CCDC200: variants seen among roughly 807,000 people sequenced by gnomAD.
The protein encoded by CCDC200 is coiled-coil domain-containing protein 200.
intron 1 of CCDC200, 104 bp from the exon 2 acceptor site, chr17:43,224,653 G>A (rs2057555076): frequency 6.6e-6 from 1 of 152,388 alleles, no homozygotes; most frequent in African/African-American, 2.4e-5. Flanking sequence ...AGAAGTATAG[G>A]TGGCAGTGGT....
chr17:43,221,879 C>G (rs1807433), intron 3 of CCDC200, among the ~76,000 whole-genome samples: 47,597 of 151,818 alleles, frequency 0.31, 7,858 homozygotes, highest in South Asian at 0.49. Context: ...GAGGCCAAGA[C>G]GGGTAGATCT....
intron 1 of CCDC200, among the ~76,000 whole-genome samples, chr17:43,226,974 G>T (rs1039769754): frequency 1.3e-5 from 2 of 151,936 alleles, no homozygotes; most frequent in Admixed American, 6.6e-5. Flanking sequence ...TTATATTTTT[G>T]TTGTTGTTGT....
At chr17:43,223,952 G>C (rs950289215) in intron 2 of CCDC200, 11 of 152,212 alleles carry the variant, frequency 7.2e-5, no homozygotes, top group African/African-American at 2.7e-4. Flanking sequence ...AAGTTGGAAG[G>C]CTCCTTTGCA....
chr17:43,227,044 T>C (rs2057574077), intron 1 of CCDC200, among the ~76,000 whole-genome samples: 1 of 152,066 alleles, frequency 6.6e-6, no homozygotes, highest in African/African-American at 2.4e-5. Flanking sequence ...AACGGCGCGA[T>C]CTTGGCTCAC....
chr17:43,222,802 G>A (rs1345740436), intron 3 of CCDC200, among the ~76,000 whole-genome samples: 2 of 138,928 alleles, frequency 1.4e-5, no homozygotes, highest in East Asian at 4.3e-4. Flanking sequence ...ACGAAGTCTC[G>A]CTCTGTCACC....
At position 43,223,541 on chromosome 17, in the gene CCDC200, G is replaced by A. The variant is rs2057548578; in HGVS notation, c.480+15C>T. ...ACCCAGAGTCTGTCTTTCACAGTCT[G>A]TGTCCCTATCTTACCTTGAGTTGTG... On this transcript the variant is annotated intron_variant, in intron 3 of 3. Transcript: ENST00000636331. The A allele has an allele frequency of 6.9e-6, 1 of 145,678 alleles. No homozygotes were observed. The highest frequency in any genetic ancestry group is 1.5e-5 in the Non-Finnish European group (1 of 66,056). The allele number at this position is 145,678 out of a possible 1,614,324, so 9.0% of individuals were successfully genotyped here. A position where few individuals can be genotyped will look rare whatever the true frequency, so the allele number is the denominator to read the frequency against.
Position 43,225,661 on chromosome 17 carries a change from T to TA in CCDC200, c.106-1113dup, listed in dbSNP as rs1295343254. Among the ~76,000 whole-genome samples, 123 of 20,160 alleles carry TA rather than the reference T, an allele frequency of 6.1e-3. 2 individuals carry two copies. Among genetic ancestry groups the TA allele is most frequent in the African/African-American group, 7.8e-3 (122 of 15,566 alleles). 13.2% of individuals were successfully genotyped at this position (20,160 alleles called of 152,430 possible). Reference sequence around the variant, plus strand: ...CTGGGCGACAGAATGAGACTCCGTCTAAAAAAAAAAAAAAAAAAGTATATA... The same window carrying TA: ...CTGGGCGACAGAATGAGACTCCGTCTAAAAAAAAAAAAAAAAAAAGTATATA... On this transcript the variant is annotated intron_variant, in intron 1 of 3. Coordinates refer to ENST00000636331, the MANE Select transcript of CCDC200 (RefSeq NM_001363254.2).
chr17:43,222,115 G>C (rs773447542), intron 3 of CCDC200, among the ~76,000 whole-genome samples: 22 of 151,722 alleles, frequency 1.5e-4, no homozygotes, highest in Non-Finnish European at 2.9e-4. Context: ...TTGCCATCCT[G>C]AGTTTGATAG....
intron 1 of CCDC200, chr17:43,226,168 G>A (rs1003917507): frequency 3.9e-5 from 6 of 152,178 alleles, no homozygotes; most frequent in Non-Finnish European, 7.3e-5. Flanking sequence ...GGGCAACATA[G>A]TGAGACCTGG....
intron 1 of CCDC200, among the ~76,000 whole-genome samples, chr17:43,226,915 TC>T (rs2057573081): frequency 6.6e-6 from 1 of 152,202 alleles, no homozygotes; most frequent in Non-Finnish European, 1.5e-5. Flanking sequence ...ATCCAAATTG[TC>T]CCAAACATGC....
chr17:43,224,847 G>A (rs1473790863), intron 1 of CCDC200: 1 of 152,200 alleles, frequency 6.6e-6, no homozygotes, highest in Non-Finnish European at 1.5e-5. Flanking sequence ...AGGATAAAGA[G>A]TAATTCCCTG....
Position 43,221,523 on chromosome 17 carries a change from C to T in CCDC200, c.*48G>A, listed in dbSNP as rs2057533867. ...TGGATGCTGAGAAGATGTGGTTGCT[C>T]ATCTGCATTTTGGGGATGGCCATGG... On this transcript the variant is annotated 3_prime_UTR_variant, in exon 4 of 4. Coordinates refer to ENST00000636331, the MANE Select transcript of CCDC200 (RefSeq NM_001363254.2). 6.6e-6 allele frequency: 1 copy of T among 152,506 alleles called. No homozygotes were observed. The highest frequency in any genetic ancestry group is 2.4e-5 in the African/African-American group (1 of 41,392). 9.4% of individuals were successfully genotyped at this position (152,506 alleles called of 1,614,324 possible). A position where few individuals can be genotyped will look rare whatever the true frequency, so the allele number is the denominator to read the frequency against.
chr17:43,222,172 C>CTCTGTCTG (rs375858064), intron 3 of CCDC200, among the ~76,000 whole-genome samples: 2 of 151,514 alleles, frequency 1.3e-5, no homozygotes, highest in Non-Finnish European at 2.9e-5. Context: ...ATGCTCTTTC[C>CTCTGTCTG]TCTGTCTGTC....
chr17:43,227,085 TC>T (rs965905810), intron 1 of CCDC200, among the ~76,000 whole-genome samples: 2 of 152,006 alleles, frequency 1.3e-5, no homozygotes, highest in East Asian at 1.9e-4. Flanking sequence ...TTCAGGCGAT[TC>T]CCCTACCTCA....
intron 3 of CCDC200, among the ~76,000 whole-genome samples, chr17:43,222,129 A>G (rs2057537706): frequency 1.3e-5 from 2 of 151,958 alleles, no homozygotes; most frequent in Admixed American, 1.3e-4. Context: ...TTGATAGCCT[A>G]CAATGAGCTG....
intron 1 of CCDC200, among the ~76,000 whole-genome samples, chr17:43,225,693 T>TATATATATATATATA (rs1282739067): frequency 1.4e-4 from 4 of 28,974 alleles, no homozygotes; most frequent in Non-Finnish European, 2.3e-4. Flanking sequence ...TATATATATA[T>TATATATATATATATA]TGCATGCTAC....
intron 3 of CCDC200, among the ~76,000 whole-genome samples, chr17:43,222,970 T>C (rs767554834): frequency 2.0e-5 from 3 of 152,026 alleles, no homozygotes; most frequent in Non-Finnish European, 4.4e-5. Context: ...GGTTTCGCCA[T>C]GTTGGCCAGG....
rs2057533652 is a variant in CCDC200 at position 43,221,482 on chromosome 17, G to C, written c.*89C>G. 1 of 152,636 alleles carries C rather than the reference G, an allele frequency of 6.6e-6. No individual in the cohort carries two copies. Among genetic ancestry groups the C allele is most frequent in the Non-Finnish European group, 1.5e-5 (1 of 68,062 alleles). The allele number at this position is 152,636 out of a possible 1,614,324, so 9.5% of individuals were successfully genotyped here. On this transcript the variant is annotated 3_prime_UTR_variant, in exon 4 of 4. Coordinates refer to ENST00000636331, the MANE Select transcript of CCDC200 (RefSeq NM_001363254.2). The stretch of plus-strand genomic sequence containing the variant: ...TCCTCTTCTAGAGTGGGTGGCTTTT[G>C]GAGTGGAGATATTGCTGGATGCTGA...
chr17:43,223,863 C>T (rs2057550306), intron 2 of CCDC200: 1 of 152,282 alleles, frequency 6.6e-6, no homozygotes, highest in Admixed American at 6.5e-5. Flanking sequence ...ACTCATGTCC[C>T]ACCCTCTGAT....
Sources: allele counts gnomAD v4.1 joint callset (sites outside exome capture counted in the v4.1 genomes callset), GRCh38; gene constraint gnomAD v4.1.1; transcripts MANE v1.5; gene names NCBI Gene and HGNC (gene_info 2026-07-23, HGNC 2026-07-21).